SLC35F4: variants seen among roughly 807,000 people sequenced by gnomAD.
SLC35F4 encodes the protein solute carrier family 35 member F4, also known as chromosome 14 open reading frame 36.
In SLC35F4, 24 loss-of-function variants were observed where a neutral mutation model predicts 44.2. That is an observed-to-expected ratio of 0.54 (90% CI 0.39 to 0.76). SLC35F4 has a LOEUF of 0.76. Ranked by LOEUF, SLC35F4 falls within the 30% of genes least tolerant of loss-of-function variation. The pLI is 0.00. For synonymous variants in SLC35F4, 238 were observed against 223.6 expected, an observed-to-expected ratio of 1.06 and a Z score of -0.57; for missense variants, 562 against 586.1, an observed-to-expected ratio of 0.96 and a Z score of 0.42.
At chr14:57,938,750 G>C (rs550877473) in intron 1 of SLC35F4, among the ~76,000 whole-genome samples, 273 of 152,236 alleles carry the variant, frequency 1.8e-3, no homozygotes, top group African/African-American at 6.2e-3. Flanking sequence ...TGTGGCTGCG[G>C]CTACTGCTAT....
chr14:57,714,507 TGTTTA>T (rs1039341241), intron 1 of SLC35F4, among the ~76,000 whole-genome samples: 3 of 152,242 alleles, frequency 2.0e-5, no homozygotes, highest in African/African-American at 7.2e-5. Flanking sequence ...ACACAGCCTC[TGTTTA>T]GTTTAATTAA....
At chr14:57,631,660 TTAAAG>T (rs1332906394) in intron 1 of SLC35F4, among the ~76,000 whole-genome samples, 5 of 152,068 alleles carry the variant, frequency 3.3e-5, no homozygotes, top group African/African-American at 1.2e-4. Context: ...ACCAAGAAAT[TTAAAG>T]TAATTTTGGA....
chr14:57,623,042 A>G (rs1414380686), intron 1 of SLC35F4, among the ~76,000 whole-genome samples: 1 of 152,132 alleles, frequency 6.6e-6, no homozygotes, highest in Non-Finnish European at 1.5e-5. Flanking sequence ...GTCAAGACCC[A>G]TCAGTGTGCT....
At chr14:57,639,000 C>A (rs2073120188) in intron 1 of SLC35F4, among the ~76,000 whole-genome samples, 1 of 151,976 alleles carries the variant, frequency 6.6e-6, no homozygotes, top group Admixed American at 6.6e-5. Context: ...TGTCATAAAC[C>A]CCAAAATTCT....
At chr14:57,772,573 T>C (rs1328850227) in intron 1 of SLC35F4, among the ~76,000 whole-genome samples, 1 of 152,204 alleles carries the variant, frequency 6.6e-6, no homozygotes, top group African/African-American at 2.4e-5. Flanking sequence ...TCCATCTTTA[T>C]ATGTACCCAT....
At chr14:57,816,252 C>A (rs865780279) in intron 1 of SLC35F4, among the ~76,000 whole-genome samples, 1 of 152,080 alleles carries the variant, frequency 6.6e-6, no homozygotes, top group African/African-American at 2.4e-5. Flanking sequence ...TGTTTTTCTT[C>A]TCATTAAACA....
rs187664720 is a variant in SLC35F4, at chr14:57,897,376, A to T, written n.282+84537T>A. On this transcript the variant is annotated intron_variant and non_coding_transcript_variant, in intron 1 of 1. Transcript: ENST00000556568. ...AGAAGGCATCAGGGAGAAAATCTAC[A>T]GTAAAGCACTGTGGTCATAAAACAA... Among the ~76,000 whole-genome samples the T allele has an allele frequency of 2.2e-3, 329 of 152,266 alleles. 1 individual carries two copies. The highest frequency in any genetic ancestry group is 7.6e-3 in the African/African-American group (314 of 41,556).
At chr14:57,716,557 A>G (rs2075949648) in intron 1 of SLC35F4, among the ~76,000 whole-genome samples, 2 of 152,154 alleles carry the variant, frequency 1.3e-5, no homozygotes, top group African/African-American at 4.8e-5. Flanking sequence ...TATGCTATTA[A>G]CAATTACTCA....
At chr14:57,901,026 G>T (rs1049838273) in intron 1 of SLC35F4, among the ~76,000 whole-genome samples, 1 of 152,218 alleles carries the variant, frequency 6.6e-6, no homozygotes, top group African/African-American at 2.4e-5. Flanking sequence ...AACAGCAGAT[G>T]CTGGTGAGGT....
At chr14:57,774,601 C>CA in intron 1 of SLC35F4, among the ~76,000 whole-genome samples, 1 of 152,162 alleles carries the variant, frequency 6.6e-6, no homozygotes, top group East Asian at 1.9e-4. Context: ...TCTGAGAACC[C>CA]CATAGTCTGC....
chr14:57,596,843 C>G (rs774360743), intron 1 of SLC35F4: 12 of 1,367,540 alleles, frequency 8.8e-6, no homozygotes, highest in Non-Finnish European at 1.1e-5. Flanking sequence ...TTGCCTGCTG[C>G]CAGCTGCCTC....
chr14:57,804,043 C>A (rs1258707623), intron 1 of SLC35F4, among the ~76,000 whole-genome samples: 1 of 152,066 alleles, frequency 6.6e-6, no homozygotes, highest in Non-Finnish European at 1.5e-5. Context: ...AATAAAATAT[C>A]TAGGGATACA....
At chr14:57,954,269 C>A (rs1441632211) in intron 1 of SLC35F4, among the ~76,000 whole-genome samples, 3 of 152,150 alleles carry the variant, frequency 2.0e-5, no homozygotes, top group South Asian at 2.1e-4. Context: ...TGGGACACAG[C>A]CAAAGCAGTG....
intron 1 of SLC35F4, among the ~76,000 whole-genome samples, chr14:57,676,556 A>G (rs1002589081): frequency 1.3e-5 from 2 of 152,144 alleles, no homozygotes; most frequent in Non-Finnish European, 2.9e-5. Flanking sequence ...CACATCCTGC[A>G]CATGTATCCT....
chr14:57,900,213 A>C (rs1183872207), intron 1 of SLC35F4, among the ~76,000 whole-genome samples: 2 of 152,226 alleles, frequency 1.3e-5, no homozygotes, highest in Non-Finnish European at 2.9e-5. Flanking sequence ...CTGGGGACCC[A>C]GGAAGTCCAG....
intron 1 of SLC35F4, among the ~76,000 whole-genome samples, chr14:57,945,729 A>T (rs1594643846): frequency 1.3e-5 from 2 of 152,244 alleles, no homozygotes; most frequent in East Asian, 3.9e-4. Context: ...ACTAGTTTAC[A>T]TTCCCATCAA....
At chr14:57,947,298 A>T (rs1237108901) in intron 1 of SLC35F4, among the ~76,000 whole-genome samples, 2 of 150,834 alleles carry the variant, frequency 1.3e-5, no homozygotes, top group African/African-American at 4.9e-5. Context: ...AGCTGTTGTA[A>T]AAGGGATTGA....
intron 1 of SLC35F4, among the ~76,000 whole-genome samples, chr14:57,750,384 C>T (rs2076856199): frequency 6.6e-6 from 1 of 152,032 alleles, no homozygotes; most frequent in Admixed American, 6.5e-5. Context: ...ATATTGATTA[C>T]TTTTCCTTTG....
intron 1 of SLC35F4, among the ~76,000 whole-genome samples, chr14:57,910,799 T>C (rs908031853): frequency 1.3e-5 from 2 of 152,038 alleles, no homozygotes; most frequent in African/African-American, 4.8e-5. Flanking sequence ...TTTAGAATCA[T>C]CAATATCTAT....
Sources: allele counts gnomAD v4.1 joint callset (sites outside exome capture counted in the v4.1 genomes callset), GRCh38; gene constraint gnomAD v4.1.1; transcripts MANE v1.5; gene names NCBI Gene and HGNC (gene_info 2026-07-23, HGNC 2026-07-21).